The following NPSR1 variants were observed in gnomAD, a reference collection of about 807,000 sequenced individuals.
NPSR1 encodes the protein neuropeptide S receptor 1.
In NPSR1, 48 loss-of-function variants were observed where a neutral mutation model predicts 46.9. That is an observed-to-expected ratio of 1.02 (90% CI 0.81 to 1.30). The LOEUF is 1.30. Ranked by LOEUF, NPSR1 falls within the 50% of genes most tolerant of loss-of-function variation. NPSR1 has a pLI of 0.00. For missense variants in NPSR1, 450 were observed against 449.5 expected (o/e 1.00, Z -0.01); for synonymous variants, 176 against 168.1 (o/e 1.05, Z -0.36).
intron 2 of NPSR1, among the ~76,000 whole-genome samples, chr7:34,692,590 T>G (rs1286372341): frequency 6.6e-6 from 1 of 152,012 alleles, no homozygotes; most frequent in Non-Finnish European, 1.5e-5. Flanking sequence ...ATGCTTACAC[T>G]AAAAGATAGA....
intron 2 of NPSR1, among the ~76,000 whole-genome samples, chr7:34,693,505 T>C (rs550469066): frequency 6.6e-6 from 1 of 152,128 alleles, no homozygotes; most frequent in African/African-American, 2.4e-5. Flanking sequence ...TAATAAAAAA[T>C]CTTCCAACAA....
chr7:34,709,526 C>T (rs916428767), intron 2 of NPSR1, among the ~76,000 whole-genome samples: 9 of 152,230 alleles, frequency 5.9e-5, no homozygotes, highest in Admixed American at 5.2e-4. Flanking sequence ...TCTTTTGGGG[C>T]CTTCTGTGAC....
chr7:34,847,818 G>A (rs149655334), intron 7 of NPSR1, among the ~76,000 whole-genome samples: 153 of 152,246 alleles, frequency 1.0e-3, no homozygotes, highest in Middle Eastern at 6.8e-3. Context: ...TGAGCACTCC[G>A]CAGCCCAGTC....
At chr7:34,746,672 C>T (rs1785219537) in intron 2 of NPSR1, among the ~76,000 whole-genome samples, 1 of 152,076 alleles carries the variant, frequency 6.6e-6, no homozygotes, top group Admixed American at 6.6e-5. Context: ...TTTTTACTGC[C>T]ACAATGCAGG....
chr7:34,778,396 G>C (rs1787074687), intron 2 of NPSR1, 66 bp from the exon 3 acceptor site: 3 of 949,002 alleles, frequency 3.2e-6, no homozygotes, highest in Non-Finnish European at 4.8e-6. Context: ...TTGTGGCTTA[G>C]CTGCAAATTT....
chr7:34,847,773 T>G (rs1790790285), intron 7 of NPSR1, among the ~76,000 whole-genome samples: 1 of 152,184 alleles, frequency 6.6e-6, no homozygotes, highest in South Asian at 2.1e-4. Context: ...AGAAACGTCT[T>G]CATACACAGC....
intron 8 of NPSR1, among the ~76,000 whole-genome samples, chr7:34,876,372 G>A (rs1174882446): frequency 2.0e-5 from 3 of 152,180 alleles, no homozygotes; most frequent in African/African-American, 7.2e-5. Flanking sequence ...TTAGCTGTAC[G>A]TGGTGATATG....
intron 2 of NPSR1, among the ~76,000 whole-genome samples, chr7:34,772,176 T>C (rs1480046494): frequency 6.6e-6 from 1 of 152,226 alleles, no homozygotes; most frequent in African/African-American, 2.4e-5. Flanking sequence ...TGCCATACCC[T>C]GAGCTCCTTC....
Position 34,675,183 on chromosome 7 carries a change from G to A in NPSR1, c.148-9369G>A, listed in dbSNP as rs112012547. Among the ~76,000 whole-genome samples, 1,492 of 152,238 alleles carry A rather than the reference G, an allele frequency of 9.8e-3. 28 individuals are homozygous for A. The highest frequency in any genetic ancestry group is 0.034 in the African/African-American group (1,429 of 41,530). The stretch of plus-strand genomic sequence containing the variant: ...TTATGGTTAAGTGAGCAATATGTAA[G>A]CCTTCTTAAATGATGCTTGGCACAT... On this transcript the variant is annotated intron_variant, in intron 1 of 8. Transcript: ENST00000360581.
intron 5 of NPSR1, 41 bp downstream of exon 5, chr7:34,827,643 C>CGGGGGGGGGGGGGGGGG: frequency 2.5e-6 from 1 of 405,038 alleles, no homozygotes; most frequent in Non-Finnish European, 4.9e-6. Flanking sequence ...GGGGGTGGGG[C>CGGGGGGGGGGGGGGGGG]GGGGGGGGCT....
chr7:34,717,054 C>T (rs192893026), intron 2 of NPSR1, among the ~76,000 whole-genome samples: 111 of 152,286 alleles, frequency 7.3e-4, no homozygotes, highest in African/African-American at 2.6e-3. Context: ...CTTTCTAAAG[C>T]CTAAAATTCT....
At chr7:34,877,934 A>T in intron 8 of NPSR1, 1 of 539,454 alleles carries the variant, frequency 1.9e-6, no homozygotes, top group South Asian at 2.6e-5. Context: ...TGGTGGTATT[A>T]AGTACAAAGT....
At position 34,863,605 on chromosome 7, in the gene NPSR1, G is replaced by T. The variant is rs553760334; in HGVS notation, c.1026-14471G>T. The stretch of plus-strand genomic sequence containing the variant: ...CTTCTCAAAAACAGACATTTATGCA[G>T]CTAACAAACGTATGAAAAAAGTTCA... On this transcript the variant is annotated intron_variant, in intron 8 of 8. Coordinates refer to the NPSR1 transcript ENST00000359791. 3.3e-4 allele frequency among the ~76,000 whole-genome samples: 50 copies of T among 151,940 alleles called. 1 individual carries two copies. The highest frequency in any genetic ancestry group is 1.1e-3 in the African/African-American group (47 of 41,212).
chr7:34,709,133 G>A (rs1216499031), intron 2 of NPSR1, among the ~76,000 whole-genome samples: 1 of 152,124 alleles, frequency 6.6e-6, no homozygotes, highest in Admixed American at 6.6e-5. Flanking sequence ...CTAAGTATCT[G>A]TTCAAAACAC....
intron 3 of NPSR1, among the ~76,000 whole-genome samples, chr7:34,804,591 T>G (rs1327867429): frequency 6.6e-6 from 1 of 152,026 alleles, no homozygotes; most frequent in South Asian, 2.1e-4. Context: ...AGAAATTAGG[T>G]GCTTTTGTCC....
At chr7:34,862,013 T>G (rs958355074) in intron 8 of NPSR1, among the ~76,000 whole-genome samples, 3 of 151,844 alleles carry the variant, frequency 2.0e-5, no homozygotes, top group African/African-American at 7.3e-5. Context: ...TGCTCCCTCT[T>G]CAACAGGCAC....
intron 2 of NPSR1, chr7:34,719,062 G>A (rs2128706433): frequency 6.6e-6 from 1 of 152,616 alleles, no homozygotes; most frequent in African/African-American, 2.4e-5. Flanking sequence ...TTGGTGAGAA[G>A]GTGTCCAGCG....
In NPSR1 at chr7:34,790,861, T is replaced by TATATGTTATATTATATATC. The variant is rs1787751420; in HGVS notation, c.384+12300_384+12301insGTTATATTATATATCATAT. On this transcript the variant is annotated intron_variant, in intron 3 of 8. Transcript: ENST00000360581. ...GTTATATATATGTTATATGTTATGT[T>TATATGTTATATTATATATC]ATATATGTTATATGTTATATTATAT... Among the ~76,000 whole-genome samples the TATATGTTATATTATATATC allele has an allele frequency of 2.6e-5, 3 of 115,830 alleles. No homozygotes were observed. In the South Asian group the frequency reaches 7.6e-4, roughly 29 times the overall value. The allele number at this position is 115,830 out of a possible 152,430, so 76.0% of individuals were successfully genotyped here.
intron 8 of NPSR1, among the ~76,000 whole-genome samples, chr7:34,862,220 T>G (rs1046497100): frequency 6.6e-6 from 1 of 151,608 alleles, no homozygotes; most frequent in African/African-American, 2.4e-5. Flanking sequence ...AGAGCGTAAT[T>G]GCGGGAGTGG....
Sources: allele counts gnomAD v4.1 joint callset (sites outside exome capture counted in the v4.1 genomes callset), GRCh38; gene constraint gnomAD v4.1.1; transcripts MANE v1.5; gene names NCBI Gene and HGNC (gene_info 2026-07-23, HGNC 2026-07-21).